The following KMT5B variants were observed in gnomAD, a reference collection of about 807,000 sequenced individuals.
KMT5B encodes the protein lysine methyltransferase 5B.
A neutral mutation model predicts 83.2 loss-of-function variants in KMT5B; 10 were observed. The ratio of observed to expected loss-of-function variants is 0.12; its 90% CI spans 0.07 to 0.20. The LOEUF is 0.20. Among genes scored for constraint, KMT5B ranks in the 10% least tolerant of loss-of-function variants. The probability of loss-of-function intolerance (pLI) is 1.00; values close to 1 mark genes in which losing one functional copy is unlikely to be tolerated. For missense variants in KMT5B, 753 were observed against 1,067.2 expected, an observed-to-expected ratio of 0.71 and a Z score of 4.10; for synonymous variants, 349 against 388.8, an observed-to-expected ratio of 0.90 and a Z score of 1.20.
chr11:68,197,667 T>C (rs980271918), intron 1 of KMT5B, among the ~76,000 whole-genome samples: 9 of 152,180 alleles, frequency 5.9e-5, no homozygotes, highest in Admixed American at 5.9e-4. Context: ...TGCCCTCAGA[T>C]CTCATTTATA....
At chr11:68,164,757 G>T in intron 10 of KMT5B, 1 of 474,056 alleles carries the variant, frequency 2.1e-6, no homozygotes, top group East Asian at 6.2e-5. Flanking sequence ...CTTCTGTAAT[G>T]CTGAGACTTC....
At position 68,167,212 on chromosome 11, in the gene KMT5B, G is replaced by C. The variant is rs1008666984; in HGVS notation, c.978-34C>G. The C allele has an allele frequency of 5.1e-6, 8 of 1,565,630 alleles. No homozygotes were observed. In the African/African-American group the frequency reaches 6.8e-5, roughly 13 times the overall value. On this transcript the variant is annotated intron_variant, in intron 9 of 10. Transcript: ENST00000304363. ...GAAAATAGCACAGGTTAAACAAATA[G>C]AACACACTTTCTTATAATAAGCTTA...
chr11:68,166,793 G>T (rs1025953786), intron 10 of KMT5B, 189 bp downstream of exon 10: 11 of 1,426,846 alleles, frequency 7.7e-6, no homozygotes, highest in Non-Finnish European at 1.0e-5. Context: ...GGACGGTACT[G>T]AAGTTAGAGA....
chr11:68,157,316 T>C lies in KMT5B; in HGVS notation c.*372A>G, dbSNP rs1293775251. ...GCTACTATGATTTGTTTTAAATTAT[T>C]GTTTAGTCATATATTAAAGAGCCAG... On this transcript the variant is annotated 3_prime_UTR_variant, in exon 11 of 11. Transcript: ENST00000304363. 6.2e-6 allele frequency: 1 copy of C among 162,474 alleles called. No homozygotes were observed. Among genetic ancestry groups the C allele is most frequent in the Non-Finnish European group, 1.3e-5 (1 of 75,118 alleles). The allele number at this position is 162,474 out of a possible 1,614,324, so 10.1% of individuals were successfully genotyped here.
rs557033294 is a variant in KMT5B at position 68,155,573 on chromosome 11, T to G, written c.*2115A>C. ...AGGTTTAAGATTTAGTCTCTGAACCTCTTCAAAACACCCCAAACTAAGGTG... is the reference window on the plus strand; with the variant it reads ...AGGTTTAAGATTTAGTCTCTGAACCGCTTCAAAACACCCCAAACTAAGGTG... On this transcript the variant is annotated 3_prime_UTR_variant, in exon 11 of 11. Coordinates refer to ENST00000304363, the MANE Select transcript of KMT5B (RefSeq NM_017635.5). The G allele has an allele frequency of 2.5e-4, 38 of 152,336 alleles. No individual in the cohort carries two copies. Among genetic ancestry groups the G allele is most frequent in the Non-Finnish European group, 4.7e-4 (32 of 68,022 alleles). 9.4% of individuals were successfully genotyped at this position (152,336 alleles called of 1,614,324 possible). A position where few individuals can be genotyped will look rare whatever the true frequency, so the allele number is the denominator to read the frequency against.
intron 10 of KMT5B, chr11:68,164,718 T>C (rs1267166312): frequency 2.0e-6 from 1 of 506,972 alleles, no homozygotes; most frequent in Admixed American, 2.0e-5. Context: ...CACCCCAATA[T>C]CAGCAGTCCC....
At chr11:68,191,844 CGCAA>C (rs1858117609) in intron 1 of KMT5B, among the ~76,000 whole-genome samples, 1 of 152,194 alleles carries the variant, frequency 6.6e-6, no homozygotes, top group Non-Finnish European at 1.5e-5. Context: ...ACTAGGTCTA[CGCAA>C]TTACTCACCA....
intron 1 of KMT5B, among the ~76,000 whole-genome samples, chr11:68,209,631 G>A (rs1028899343): frequency 4.6e-5 from 7 of 152,142 alleles, no homozygotes; most frequent in Non-Finnish European, 8.8e-5. Context: ...CTCGGGATTC[G>A]CTAGCTCAGC....
intron 5 of KMT5B, among the ~76,000 whole-genome samples, chr11:68,174,670 A>G (rs1856181801): frequency 6.6e-6 from 1 of 152,164 alleles, no homozygotes; most frequent in South Asian, 2.1e-4. Context: ...CCGGAACTAC[A>G]AACTACAAAG....
rs1859392293 is a variant in KMT5B at position 68,157,595 on chromosome 11, A to G, written c.*93T>C. On this transcript the variant is annotated 3_prime_UTR_variant, in exon 11 of 11. Transcript: ENST00000304363. ...TGCTGATAAGTGAAGGGACAATAGA[A>G]GTGCTGCCACTAAACTTTCAGTTGA... 6.8e-7 allele frequency: 1 copy of G among 1,473,982 alleles called. No homozygotes were observed. The highest frequency in any genetic ancestry group is 1.4e-5 in the African/African-American group (1 of 71,160). 91.3% of individuals were successfully genotyped at this position (1,473,982 alleles called of 1,614,324 possible). A position where few individuals can be genotyped will look rare whatever the true frequency, so the allele number is the denominator to read the frequency against.
In KMT5B at chr11:68,158,354, G is replaced by A. The variant is rs978515685; in HGVS notation, c.1992C>T (p.Ser664=). 6.2e-6 allele frequency: 10 copies of A among 1,614,048 alleles called. No homozygotes were observed. The African/African-American group carries it at 1.3e-4, about 22-fold the overall frequency. The change falls in exon 11 of 11, where the codon AGC becomes AGT. Residue 664 remains serine (S), a synonymous_variant. Transcript: ENST00000304363. ...EHSGTVGVPV[S]YTDCAPSPVG... is the part of the protein sequence containing the mutation. ...CGGGTGAAGGAGCACAGTCTGTGTA[G>A]CTCACAGGCACGCCCACAGTGCCAC...
intron 10 of KMT5B, among the ~76,000 whole-genome samples, chr11:68,164,167 T>C (rs755647120): frequency 4.3e-4 from 66 of 152,346 alleles, no homozygotes; most frequent in South Asian, 1.0e-3. Context: ...TCTCTACTTC[T>C]GGATGCTAAA....
intron 6 of KMT5B, among the ~76,000 whole-genome samples, chr11:68,172,550 C>G (rs991001905): frequency 1.3e-5 from 2 of 151,944 alleles, no homozygotes; most frequent in African/African-American, 4.8e-5. Context: ...TATTTTAACC[C>G]AATATCCAAA....
chr11:68,166,293 T>C (rs934761327), intron 10 of KMT5B: 2 of 1,103,900 alleles, frequency 1.8e-6, no homozygotes, highest in Non-Finnish European at 2.2e-6. Flanking sequence ...CTTTCCTTTC[T>C]CTTTGTTTAG....
At chr11:68,198,686 A>G (rs531135868) in intron 1 of KMT5B, among the ~76,000 whole-genome samples, 3 of 152,318 alleles carry the variant, frequency 2.0e-5, no homozygotes, top group East Asian at 1.9e-4. Context: ...AATTGCCTCA[A>G]TTTTGTCCCA....
At chr11:68,167,300 A>C in intron 9 of KMT5B, 122 bp from the exon 10 acceptor site, 1 of 1,190,800 alleles carries the variant, frequency 8.4e-7, no homozygotes, top group Non-Finnish European at 1.1e-6. Flanking sequence ...CTTAATCACC[A>C]CTGGAAACCG....
At chr11:68,192,958 A>G (rs780019008) in intron 1 of KMT5B, among the ~76,000 whole-genome samples, 8 of 152,224 alleles carry the variant, frequency 5.3e-5, no homozygotes, top group Non-Finnish European at 7.3e-5. Context: ...ATTGATCTGA[A>G]TAGTGGGGGA....
Position 68,156,561 on chromosome 11 carries a change from C to T in KMT5B, c.*1127G>A, listed in dbSNP as rs1859311764. On this transcript the variant is annotated 3_prime_UTR_variant, in exon 11 of 11. Transcript: ENST00000304363. ...CTTAAAACTATATATTTATAATTTC[C>T]TATTTTATTGGCATGAATATTTCTA... The T allele has an allele frequency of 6.6e-6, 1 of 152,550 alleles. No homozygotes were observed. Among genetic ancestry groups the T allele is most frequent in the Admixed American group, 6.5e-5 (1 of 15,282 alleles). The allele number at this position is 152,550 out of a possible 1,614,324, so 9.4% of individuals were successfully genotyped here. A position where few individuals can be genotyped will look rare whatever the true frequency, so the allele number is the denominator to read the frequency against.
chr11:68,183,299 G>T lies in KMT5B; in HGVS notation c.308+2482C>A, dbSNP rs190488680. 1.2e-4 allele frequency among the ~76,000 whole-genome samples: 18 copies of T among 151,814 alleles called. No homozygotes were observed. The South Asian group carries it at 3.8e-3, about 32-fold the overall frequency. ...GCATCTTCTAGGAGAATGAGCACTG[G>T]TCTCATGTTCAATGGGCAAAAAAAA... On this transcript the variant is annotated intron_variant, in intron 3 of 10. Transcript: ENST00000304363.
Sources: gnomAD v4.1 joint callset for allele counts (sites outside exome capture counted in the v4.1 genomes callset) on GRCh38, gnomAD v4.1.1 for gene constraint, MANE v1.5 for transcripts, NCBI Gene and HGNC (gene_info 2026-07-23, HGNC 2026-07-21) for gene names.